Variants in PDE10A observed in about 807,000 individuals in gnomAD.
The protein encoded by PDE10A is cAMP and cAMP-inhibited cGMP 3',5'-cyclic phosphodiesterase 10A.
PDE10A carries 39 observed loss-of-function variants against 97.7 expected under a neutral mutation model. The observed-to-expected ratio is 0.40, with a 90% confidence interval of 0.31 to 0.52. The LOEUF is 0.52. Ranked by LOEUF, PDE10A falls within the 20% of genes least tolerant of loss-of-function variation. PDE10A has a pLI of 0.56. For synonymous variants in PDE10A, 371 were observed against 376.8 expected (o/e 0.98, Z 0.18); for missense variants, 731 against 1,047.8 (o/e 0.70, Z 4.17).
At chr6:165,600,631 T>TC (rs1786890189) in intron 1 of PDE10A, among the ~76,000 whole-genome samples, 1 of 152,208 alleles carries the variant, frequency 6.6e-6, no homozygotes, top group Non-Finnish European at 1.5e-5. Flanking sequence ...ATTGACTTCC[T>TC]CACTTGATGT....
At chr6:165,933,575 G>A (rs779785787) in intron 1 of PDE10A, among the ~76,000 whole-genome samples, 4 of 152,168 alleles carry the variant, frequency 2.6e-5, no homozygotes, top group Non-Finnish European at 4.4e-5. Flanking sequence ...CACATGGGAA[G>A]CAGAGACCTG....
intron 1 of PDE10A, among the ~76,000 whole-genome samples, chr6:165,600,175 T>G (rs550975581): frequency 6.6e-6 from 1 of 152,246 alleles, no homozygotes; most frequent in South Asian, 2.1e-4. Context: ...CCTTCACTCC[T>G]CCTCCGAGGA....
At chr6:165,397,891 G>T (rs1347644135) in intron 13 of PDE10A, among the ~76,000 whole-genome samples, 1 of 151,956 alleles carries the variant, frequency 6.6e-6, no homozygotes, top group African/African-American at 2.4e-5. Context: ...CAAACCCAAT[G>T]AATGAATACA....
At chr6:165,514,656 T>C (rs1411536278) in intron 2 of PDE10A, among the ~76,000 whole-genome samples, 1 of 152,110 alleles carries the variant, frequency 6.6e-6, no homozygotes, top group Non-Finnish European at 1.5e-5. Context: ...GCCCCCGAAA[T>C]GCCATTGATG....
chr6:165,607,284 G>A (rs960260168), intron 1 of PDE10A, among the ~76,000 whole-genome samples: 1 of 152,170 alleles, frequency 6.6e-6, no homozygotes, highest in Non-Finnish European at 1.5e-5. Flanking sequence ...TGATGTTTTG[G>A]TCAACAAGCG....
intron 1 of PDE10A, among the ~76,000 whole-genome samples, chr6:165,893,623 G>A (rs1468872157): frequency 1.3e-5 from 2 of 152,108 alleles, no homozygotes; most frequent in African/African-American, 4.8e-5. Context: ...CTACACAGCC[G>A]GGCAGCTAGG....
intron 1 of PDE10A, among the ~76,000 whole-genome samples, chr6:165,641,103 G>C (rs541909727): frequency 6.6e-6 from 1 of 152,166 alleles, no homozygotes; most frequent in African/African-American, 2.4e-5. Flanking sequence ...AAGAGGGATG[G>C]ACCCAAGAGA....
At chr6:165,823,516 A>AAATAT (rs1562754456) in intron 1 of PDE10A, among the ~76,000 whole-genome samples, 11 of 92,674 alleles carry the variant, frequency 1.2e-4, no homozygotes, top group Middle Eastern at 6.8e-3. Context: ...ATATATATAT[A>AAATAT]TATATATATG....
chr6:165,579,901 A>G (rs955364406), intron 1 of PDE10A, among the ~76,000 whole-genome samples: 1 of 152,114 alleles, frequency 6.6e-6, no homozygotes, highest in Admixed American at 6.6e-5. Flanking sequence ...GCTATTGTTC[A>G]AAATGTCACC....
At chr6:165,645,838 A>G (rs1217107673) in intron 1 of PDE10A, among the ~76,000 whole-genome samples, 2 of 122,252 alleles carry the variant, frequency 1.6e-5, no homozygotes, top group African/African-American at 6.2e-5. Context: ...TGGGCAGCAG[A>G]GCAAGACTCC....
chr6:165,735,295 T>C (rs1792545047), intron 1 of PDE10A, among the ~76,000 whole-genome samples: 1 of 148,882 alleles, frequency 6.7e-6, no homozygotes, highest in South Asian at 2.1e-4. Context: ...GGTAAGTAGG[T>C]AGGTTGGTAG....
rs555842418 is a variant in PDE10A, at chr6:165,956,100, A to G, written c.-615+31429T>C. Among the ~76,000 whole-genome samples, 9 of 152,356 alleles carry G rather than the reference A, an allele frequency of 5.9e-5. No individual in the cohort carries two copies. In the South Asian group the frequency reaches 1.0e-3, roughly 18 times the overall value. ...ACTTTAAAATGTCTGATACTATTAG[A>G]TTTTTTAAAAATAAAACAGTGCATT... On this transcript the variant is annotated intron_variant, in intron 1 of 19. Coordinates refer to the PDE10A transcript ENST00000366882.
At chr6:165,583,233 T>C (rs1323366587) in intron 1 of PDE10A, among the ~76,000 whole-genome samples, 4 of 152,250 alleles carry the variant, frequency 2.6e-5, no homozygotes, top group East Asian at 1.9e-4. Context: ...AAAGTTTACA[T>C]AGCAAATGTG....
At chr6:165,723,679 A>G (rs933956150) in intron 1 of PDE10A, among the ~76,000 whole-genome samples, 3 of 152,214 alleles carry the variant, frequency 2.0e-5, no homozygotes, top group Non-Finnish European at 2.9e-5. Flanking sequence ...GAAATGAATA[A>G]CACCCAGCCT....
rs79749225 is a variant in PDE10A at position 165,566,125 on chromosome 6, G to A, written c.866-22557C>T. 5.8e-3 allele frequency among the ~76,000 whole-genome samples: 884 copies of A among 152,166 alleles called. 9 individuals carry two copies. Among genetic ancestry groups the A allele is most frequent in the African/African-American group, 0.018 (759 of 41,522 alleles). On this transcript the variant is annotated intron_variant, in intron 1 of 21. Coordinates refer to ENST00000539869, the MANE Select transcript of PDE10A (RefSeq NM_001385079.1). ...GATTTTCTGCTCTGCAAAAGAAACTGCCAAGAGAATAAAAAGACAAGCCAC... is the reference window on the plus strand; with the variant it reads ...GATTTTCTGCTCTGCAAAAGAAACTACCAAGAGAATAAAAAGACAAGCCAC...
intron 12 of PDE10A, among the ~76,000 whole-genome samples, chr6:165,415,299 T>C (rs1278833824): frequency 2.0e-5 from 3 of 152,140 alleles, no homozygotes; most frequent in Non-Finnish European, 4.4e-5. Flanking sequence ...TTTATAGGAG[T>C]TGTGTATATT....
At chr6:165,537,142 A>G (rs1292681598) in intron 2 of PDE10A, among the ~76,000 whole-genome samples, 3 of 152,028 alleles carry the variant, frequency 2.0e-5, no homozygotes, top group Non-Finnish European at 4.4e-5. Context: ...TTGCAGCAAC[A>G]TGGATGGAAC....
chr6:165,396,730 TC>T (rs1267738523), intron 13 of PDE10A, among the ~76,000 whole-genome samples: 1 of 152,210 alleles, frequency 6.6e-6, no homozygotes, highest in Non-Finnish European at 1.5e-5. Flanking sequence ...GCATTTGTCT[TC>T]CTTAAAATGC....
At chr6:165,496,157 A>G (rs1418776680) in intron 2 of PDE10A, among the ~76,000 whole-genome samples, 2 of 151,962 alleles carry the variant, frequency 1.3e-5, no homozygotes, top group Non-Finnish European at 2.9e-5. Context: ...CTGCATAAAG[A>G]CGTTGAGACG....
Sources: allele counts gnomAD v4.1 joint callset (sites outside exome capture counted in the v4.1 genomes callset), GRCh38; gene constraint gnomAD v4.1.1; transcripts MANE v1.5; gene names NCBI Gene and HGNC (gene_info 2026-07-23, HGNC 2026-07-21).